CFTR: variants seen among roughly 807,000 people sequenced by gnomAD.
CFTR encodes the protein CF transmembrane conductance regulator, also known as cystic fibrosis transmembrane conductance regulator.
Under a neutral mutation model 171.6 loss-of-function variants are expected in CFTR, and 181 were observed. That is an observed-to-expected ratio of 1.05 (90% CI 0.93 to 1.19). CFTR has a LOEUF of 1.19. CFTR is among the 50% of genes most tolerant of loss of function. The pLI, the probability that CFTR is intolerant of heterozygous loss-of-function variation, is 0.00. For synonymous variants in CFTR, 583 were observed against 608.0 expected, an observed-to-expected ratio of 0.96 and a Z score of 0.60; for missense variants, 1,968 against 1,734.7, an observed-to-expected ratio of 1.13 and a Z score of -2.39.
chr7:117,624,826 T>C (rs1315993770), intron 21 of CFTR, among the ~76,000 whole-genome samples: 1 of 152,184 alleles, frequency 6.6e-6, no homozygotes, highest in African/African-American at 2.4e-5. Context: ...AATATTCACA[T>C]GGCTCAAAAT....
intron 11 of CFTR, among the ~76,000 whole-genome samples, chr7:117,577,682 A>T (rs534255435): frequency 2.0e-5 from 3 of 152,264 alleles, no homozygotes; most frequent in African/African-American, 7.2e-5. Flanking sequence ...CACAGCTGCT[A>T]TGCAAAATAC....
intron 15 of CFTR, among the ~76,000 whole-genome samples, 161 bp from the exon 16 acceptor site, chr7:117,602,665 C>T (rs185402791): frequency 6.6e-5 from 10 of 152,240 alleles, no homozygotes; most frequent in African/African-American, 9.6e-5. Flanking sequence ...ACACCTAGTA[C>T]AGCTGCTGGA....
chr7:117,600,724 A>AT (rs1274795326), intron 15 of CFTR, among the ~76,000 whole-genome samples: 3 of 152,018 alleles, frequency 2.0e-5, no homozygotes, highest in Non-Finnish European at 4.4e-5. Context: ...GTATGGAATG[A>AT]TTCTTAAAGC....
chr7:117,485,659 G>A (rs1309549394), intron 1 of CFTR, among the ~76,000 whole-genome samples: 1 of 152,118 alleles, frequency 6.6e-6, no homozygotes. Flanking sequence ...ATTGCTTGAT[G>A]TAGAGAATTA....
At chr7:117,590,120 GATAAAAATC>G (rs1792002895) in intron 12 of CFTR, among the ~76,000 whole-genome samples, 1 of 152,126 alleles carries the variant, frequency 6.6e-6, no homozygotes, top group Admixed American at 6.5e-5. Flanking sequence ...TGTGAAAAGT[GATAAAAATC>G]TTCTGCAACT....
At chr7:117,608,253 G>A (rs974319560) in intron 18 of CFTR, among the ~76,000 whole-genome samples, 4 of 151,984 alleles carry the variant, frequency 2.6e-5, no homozygotes, top group Non-Finnish European at 5.9e-5. Flanking sequence ...TGCCCAGGCT[G>A]GAGTGCAGTG....
intron 7 of CFTR, among the ~76,000 whole-genome samples, chr7:117,538,304 C>G (rs1447860416): frequency 6.6e-6 from 1 of 152,140 alleles, no homozygotes; most frequent in Non-Finnish European, 1.5e-5. Context: ...CTCTGAAAAT[C>G]CACTCTTTTA....
intron 18 of CFTR, among the ~76,000 whole-genome samples, chr7:117,607,255 A>G (rs1278144274): frequency 1.3e-5 from 2 of 152,148 alleles, no homozygotes; most frequent in Non-Finnish European, 2.9e-5. Context: ...TAAGTTTTAG[A>G]ACAAAAGAGA....
chr7:117,563,208 A>C (rs2115950602), intron 11 of CFTR, among the ~76,000 whole-genome samples: 1 of 152,304 alleles, frequency 6.6e-6, no homozygotes, highest in Middle Eastern at 3.4e-3. Flanking sequence ...ATCCTCTGCA[A>C]TATGGGGATA....
intron 22 of CFTR, among the ~76,000 whole-genome samples, chr7:117,630,013 G>A (rs1256209956): frequency 2.0e-5 from 3 of 152,158 alleles, no homozygotes; most frequent in African/African-American, 7.2e-5. Context: ...CATGGGGCAG[G>A]GGAAGAGAGA....
In CFTR at chr7:117,535,261, C is replaced by T. The variant is rs73215910; in HGVS notation, c.593C>T (p.Ala198Val). The change falls in exon 6 of 27, where the codon GCA becomes GTA. Residue 198 changes from alanine to valine, a missense_variant. Ala to Val is a moderately conservative substitution (Grantham distance 64). Coordinates refer to ENST00000003084, the MANE Select transcript of CFTR (RefSeq NM_000492.4). ...LNKFDEGLAL[A>V]HFVWIAPLQV... Reference sequence around the variant, plus strand: ...TTTATTTTCCAGGGACTTGCATTGGCACATTTCGTGTGGATCGCTCCTTTG... The same window carrying T: ...TTTATTTTCCAGGGACTTGCATTGGTACATTTCGTGTGGATCGCTCCTTTG... The T allele has an allele frequency of 1.2e-6, 2 of 1,614,066 alleles. No homozygotes were observed. The highest frequency in any genetic ancestry group is 1.7e-6 in the Non-Finnish European group (2 of 1,180,008).
intron 15 of CFTR, among the ~76,000 whole-genome samples, chr7:117,599,935 CT>C (rs1226045796): frequency 3.9e-5 from 6 of 151,968 alleles, no homozygotes; most frequent in Non-Finnish European, 7.4e-5. Flanking sequence ...AATTGAGAGC[CT>C]TCTACTCATG....
intron 3 of CFTR, among the ~76,000 whole-genome samples, chr7:117,523,672 C>A (rs774559882): frequency 6.6e-6 from 1 of 152,148 alleles, no homozygotes; most frequent in Admixed American, 6.5e-5. Context: ...CCACCGCGCC[C>A]GGCCCCTGTC....
At chr7:117,616,312 T>A (rs1792490509) in intron 21 of CFTR, 1 of 152,030 alleles carries the variant, frequency 6.6e-6, no homozygotes, top group Admixed American at 6.6e-5. Flanking sequence ...GCTTTTGGAG[T>A]TGGGTCTCAT....
intron 24 of CFTR, among the ~76,000 whole-genome samples, chr7:117,653,250 T>G (rs1327286390): frequency 6.6e-6 from 1 of 152,222 alleles, no homozygotes; most frequent in Non-Finnish European, 1.5e-5. Context: ...CAAGTACTTT[T>G]GACTGAGCCT....
chr7:117,562,987 T>C (rs2115949910), intron 11 of CFTR, among the ~76,000 whole-genome samples: 1 of 152,186 alleles, frequency 6.6e-6, no homozygotes, highest in Admixed American at 6.5e-5. Context: ...TGTATACCAG[T>C]CTCAGGAATT....
intron 4 of CFTR, among the ~76,000 whole-genome samples, chr7:117,532,409 A>G (rs1028504541): frequency 1.3e-5 from 2 of 152,214 alleles, no homozygotes; most frequent in African/African-American, 4.8e-5. Context: ...GGTAGGTACT[A>G]TTATCCCTAT....
chr7:117,532,215 T>A (rs213942), intron 4 of CFTR, among the ~76,000 whole-genome samples: 84,535 of 151,934 alleles, frequency 0.56, 26,458 homozygotes, highest in African/African-American at 0.86. Flanking sequence ...AAGTGAAGAC[T>A]TTGTTAGATA....
chr7:117,627,595 C>T lies in CFTR; in HGVS notation c.3542C>T (p.Pro1181Leu). The T allele has an allele frequency of 6.2e-7, 1 of 1,613,338 alleles. No homozygotes were observed. Among genetic ancestry groups the T allele is most frequent in the East Asian group, 2.2e-5 (1 of 44,820 alleles). The change falls in exon 22 of 27, where the codon CCA becomes CTA. Residue 1181 changes from proline (P) to leucine (L), a missense_variant. By Grantham distance (98) the Pro-to-Leu change is moderately conservative. Transcript: ENST00000003084. The part of the protein sequence containing the change: ...TEGKPTKSTK[P>L]YKNGQLSKVM... ...GGTAAACCTACCAAGTCAACCAAACCATACAAGAATGGCCAACTCTCGAAA... is the reference window on the plus strand; with the variant it reads ...GGTAAACCTACCAAGTCAACCAAACTATACAAGAATGGCCAACTCTCGAAA...
Sources: gnomAD v4.1 joint callset for allele counts (sites outside exome capture counted in the v4.1 genomes callset) on GRCh38, gnomAD v4.1.1 for gene constraint, MANE v1.5 for transcripts, NCBI Gene and HGNC (gene_info 2026-07-23, HGNC 2026-07-21) for gene names.